G2E3: variants seen among roughly 807,000 people sequenced by gnomAD.
The protein encoded by G2E3 is G2/M phase-specific E3 ubiquitin-protein ligase.
A neutral mutation model predicts 92.8 loss-of-function variants in G2E3; 35 were observed. That is an observed-to-expected ratio of 0.38 (90% CI 0.29 to 0.50). The LOEUF (loss-of-function observed/expected upper bound fraction) is 0.50, where lower values mean the gene tolerates loss of function less well. Among genes scored for constraint, G2E3 ranks in the 20% least tolerant of loss-of-function variants. The probability of loss-of-function intolerance (pLI) is 0.94; values close to 1 mark genes in which losing one functional copy is unlikely to be tolerated. For missense variants in G2E3, 554 were observed against 823.8 expected (o/e 0.67, Z 4.01); for synonymous variants, 242 against 272.4 (o/e 0.89, Z 1.10).
intron 2 of G2E3, among the ~76,000 whole-genome samples, chr14:30,586,515 C>T (rs1880721291): frequency 6.6e-6 from 1 of 152,056 alleles, no homozygotes; most frequent in South Asian, 2.1e-4. Context: ...CAGTGAAATT[C>T]ATCATTAAAG....
rs150831497 is a variant in G2E3, at chr14:30,615,455, A to G, written c.1780A>G (p.Ile594Val). 8.1e-6 allele frequency: 13 copies of G among 1,612,430 alleles called. No homozygotes were observed. In the East Asian group the frequency reaches 2.5e-4, roughly 30 times the overall value. Residue 594 changes from isoleucine to valine, a missense_variant, in exon 14 of 15, where the codon ATC becomes GTC. Physicochemically the swap from Ile to Val is conservative, Grantham distance 29. Coordinates refer to ENST00000206595, the MANE Select transcript of G2E3 (RefSeq NM_017769.5). The stretch of plus-strand genomic sequence containing the variant: ...TAAACCTGAGAGTCTTTCTGCAAAA[A>G]TCCTTAGTGAGCTTTTTACAGTACA... ...CHKPESLSAK[I>V]LSELFTVHTL...
chr14:30,585,281 C>A (rs1261964987), intron 2 of G2E3, among the ~76,000 whole-genome samples: 3 of 152,152 alleles, frequency 2.0e-5, no homozygotes, highest in Non-Finnish European at 4.4e-5. Context: ...CTTATTCTTT[C>A]TGCTAAGAAT....
chr14:30,580,374 C>G (rs1478060583), intron 1 of G2E3, among the ~76,000 whole-genome samples: 6 of 151,926 alleles, frequency 3.9e-5, no homozygotes, highest in Admixed American at 2.6e-4. Flanking sequence ...GCCCTGCTAA[C>G]TTTGTATTTT....
chr14:30,610,596 C>G (rs561170261), intron 12 of G2E3, among the ~76,000 whole-genome samples: 2 of 152,236 alleles, frequency 1.3e-5, no homozygotes, highest in South Asian at 2.1e-4. Flanking sequence ...GAGTGAGACT[C>G]CATCCCAAAT....
chr14:30,564,680 C>T (rs913659658), intron 1 of G2E3, among the ~76,000 whole-genome samples: 10 of 152,186 alleles, frequency 6.6e-5, no homozygotes, highest in African/African-American at 9.7e-5. Context: ...AGTACATTCA[C>T]GATGTTGTGC....
At chr14:30,609,099 A>G (rs1881969237) in intron 12 of G2E3, among the ~76,000 whole-genome samples, 1 of 152,210 alleles carries the variant, frequency 6.6e-6, no homozygotes, top group Admixed American at 6.5e-5. Context: ...TCTAAATCAC[A>G]CAGTAAGCAC....
chr14:30,569,699 A>G (rs1323880418), intron 1 of G2E3, among the ~76,000 whole-genome samples: 3 of 152,140 alleles, frequency 2.0e-5, no homozygotes, highest in Non-Finnish European at 2.9e-5. Context: ...TAGGACTGGA[A>G]TAAGACCTGC....
chr14:30,608,191 A>G, intron 12 of G2E3, 122 bp downstream of exon 12: 1 of 584,984 alleles, frequency 1.7e-6, no homozygotes, highest in Admixed American at 3.5e-5. Flanking sequence ...GTAAACATAT[A>G]TTTCTGTTTA....
At chr14:30,559,678 T>G (rs940169317) in intron 1 of G2E3, 3 of 152,132 alleles carry the variant, frequency 2.0e-5, no homozygotes, top group Non-Finnish European at 4.4e-5. Flanking sequence ...TCTCTTTTAA[T>G]GAAAGATGGA....
chr14:30,598,414 G>T (rs1186987130), intron 7 of G2E3, 69 bp from the exon 8 acceptor site: 1 of 1,051,992 alleles, frequency 9.5e-7, no homozygotes, highest in Non-Finnish European at 1.5e-6. Context: ...TTTATTTTTA[G>T]ATTCATTCCT....
intron 12 of G2E3, among the ~76,000 whole-genome samples, chr14:30,609,580 T>G (rs911155667): frequency 6.6e-6 from 1 of 152,214 alleles, no homozygotes; most frequent in Non-Finnish European, 1.5e-5. Context: ...TTGGAGAGCT[T>G]CTTCTCTCCT....
intron 6 of G2E3, among the ~76,000 whole-genome samples, chr14:30,595,595 A>G (rs1010168577): frequency 1.3e-5 from 2 of 152,212 alleles, no homozygotes; most frequent in Non-Finnish European, 2.9e-5. Context: ...CCACATGGAC[A>G]CCTGTCTATG....
chr14:30,603,470 G>A (rs1313453455), intron 10 of G2E3, among the ~76,000 whole-genome samples: 2 of 152,128 alleles, frequency 1.3e-5, no homozygotes, highest in Non-Finnish European at 2.9e-5. Context: ...TTGCAAAAGA[G>A]TTTTTAGAGC....
chr14:30,595,859 A>T (rs1427836065), intron 6 of G2E3, among the ~76,000 whole-genome samples: 1 of 152,230 alleles, frequency 6.6e-6, no homozygotes, highest in African/African-American at 2.4e-5. Flanking sequence ...ATTGCTATCA[A>T]AGAAACTGGT....
intron 5 of G2E3, among the ~76,000 whole-genome samples, 191 bp from the exon 6 acceptor site, chr14:30,593,283 A>G (rs1336098364): frequency 6.6e-6 from 1 of 152,130 alleles, no homozygotes; most frequent in East Asian, 1.9e-4. Flanking sequence ...AAAAGTTCAG[A>G]TTTCGAAGGT....
intron 1 of G2E3, among the ~76,000 whole-genome samples, chr14:30,562,018 T>A (rs1269128720): frequency 6.6e-6 from 1 of 152,208 alleles, no homozygotes; most frequent in Non-Finnish European, 1.5e-5. Context: ...GCAATGTTTG[T>A]TAATATTCAT....
At chr14:30,597,658 CCTT>C (rs1243642524) in intron 7 of G2E3, 132 bp downstream of exon 7, 24 of 624,740 alleles carry the variant, frequency 3.8e-5, no homozygotes, top group Non-Finnish European at 6.3e-5. Context: ...AAATGCAAAA[CCTT>C]CTCCTCCCCC....
intron 10 of G2E3, among the ~76,000 whole-genome samples, chr14:30,603,813 T>G (rs1036157214): frequency 2.0e-5 from 3 of 152,184 alleles, no homozygotes; most frequent in Admixed American, 6.5e-5. Flanking sequence ...CACTATACTC[T>G]CACCTGAGTG....
At chr14:30,566,484 A>G (rs759396467) in intron 1 of G2E3, among the ~76,000 whole-genome samples, 1 of 152,198 alleles carries the variant, frequency 6.6e-6, no homozygotes, top group Non-Finnish European at 1.5e-5. Context: ...ATTACTAAGT[A>G]ATTTTTATGC....
Sources: gnomAD v4.1 joint callset for allele counts (sites outside exome capture counted in the v4.1 genomes callset) on GRCh38, gnomAD v4.1.1 for gene constraint, MANE v1.5 for transcripts, NCBI Gene and HGNC (gene_info 2026-07-23, HGNC 2026-07-21) for gene names.